Variants in AGFG1 observed in about 807,000 individuals in gnomAD.
AGFG1 encodes the protein ArfGAP with FG repeats 1, also known as arf-GAP domain and FG repeat-containing protein 1.
AGFG1 carries 10 observed loss-of-function variants against 60.6 expected under a neutral mutation model. The ratio of observed to expected loss-of-function variants is 0.16; its 90% CI spans 0.10 to 0.28. The LOEUF (loss-of-function observed/expected upper bound fraction) is 0.28, where lower values mean the gene tolerates loss of function less well. Among genes scored for constraint, AGFG1 ranks in the 10% least tolerant of loss-of-function variants. The pLI is 1.00. For missense variants in AGFG1, 537 were observed against 676.5 expected, an observed-to-expected ratio of 0.79 and a Z score of 2.29; for synonymous variants, 247 against 242.9, an observed-to-expected ratio of 1.02 and a Z score of -0.16.
At position 227,544,290 on chromosome 2, in the gene AGFG1, G is replaced by C. The variant is rs572034904; in HGVS notation, c.1378+7297G>C. Among the ~76,000 whole-genome samples, 92 of 151,714 alleles carry C rather than the reference G, an allele frequency of 6.1e-4. No individual in the cohort carries two copies. In the South Asian group the frequency reaches 0.019, roughly 31 times the overall value. On this transcript the variant is annotated intron_variant, in intron 10 of 12. Transcript: ENST00000310078. The stretch of plus-strand genomic sequence containing the variant: ...CTGCCTCAGCCTTCCCAGTAGCTTG[G>C]ACTACAGGCACCCACCACCACACCC...
chr2:227,547,704 G>A (rs1692694522), intron 10 of AGFG1, among the ~76,000 whole-genome samples: 1 of 152,204 alleles, frequency 6.6e-6, no homozygotes, highest in East Asian at 1.9e-4. Context: ...AACAATGTAA[G>A]GAGGTAGAGA....
At chr2:227,552,179 T>A (rs1692841320) in intron 11 of AGFG1, 62 bp downstream of exon 11, 1 of 1,584,460 alleles carries the variant, frequency 6.3e-7, no homozygotes, top group African/African-American at 1.4e-5. Flanking sequence ...TATCATAATG[T>A]TGTGTGCTTG....
At position 227,540,400 on chromosome 2, in the gene AGFG1, G is replaced by T. The variant is rs1454638361; in HGVS notation, c.1378+3407G>T. Among the ~76,000 whole-genome samples, 6 of 152,178 alleles carry T rather than the reference G, an allele frequency of 3.9e-5. No homozygotes were observed. In the South Asian group the frequency reaches 8.3e-4, roughly 21 times the overall value. ...GTGATGTTCCCCACCTTGTGTCCAA[G>T]TGTTCTCATTGTTCAGTTCCCACCT... On this transcript the variant is annotated intron_variant, in intron 10 of 12. Transcript: ENST00000310078.
intron 11 of AGFG1, among the ~76,000 whole-genome samples, chr2:227,552,393 C>T (rs950442603): frequency 7.2e-5 from 11 of 152,100 alleles, no homozygotes; most frequent in East Asian, 1.9e-4. Flanking sequence ...CTGATTATTT[C>T]GTCTTACATG....
intron 2 of AGFG1, among the ~76,000 whole-genome samples, chr2:227,501,905 C>T (rs772574598): frequency 3.3e-5 from 5 of 152,118 alleles, no homozygotes; most frequent in Admixed American, 6.5e-5. Context: ...GTTGTCCAGG[C>T]TGGAGTGCAG....
intron 1 of AGFG1, among the ~76,000 whole-genome samples, chr2:227,475,581 ATC>A (rs1690257901): frequency 1.3e-5 from 2 of 152,220 alleles, no homozygotes; most frequent in Non-Finnish European, 2.9e-5. Context: ...ATAATTATGT[ATC>A]TGATGTTTAG....
chr2:227,492,907 A>G (rs1690861309), intron 2 of AGFG1, among the ~76,000 whole-genome samples: 1 of 152,164 alleles, frequency 6.6e-6, no homozygotes, highest in Non-Finnish European at 1.5e-5. Context: ...AAGTAGGATT[A>G]ACTTAACATT....
intron 6 of AGFG1, among the ~76,000 whole-genome samples, chr2:227,531,785 A>T (rs1384433517): frequency 2.0e-5 from 3 of 152,104 alleles, no homozygotes; most frequent in Non-Finnish European, 4.4e-5. Context: ...GGCTGACATT[A>T]TACCTCTTAA....
intron 5 of AGFG1, among the ~76,000 whole-genome samples, chr2:227,528,451 C>T (rs1311543618): frequency 6.6e-6 from 1 of 152,120 alleles, no homozygotes; most frequent in Non-Finnish European, 1.5e-5. Context: ...CGATTTCCCC[C>T]CTGACCAGAT....
intron 3 of AGFG1, among the ~76,000 whole-genome samples, chr2:227,522,965 A>G (rs1228426636): frequency 6.6e-6 from 1 of 152,150 alleles, no homozygotes; most frequent in Non-Finnish European, 1.5e-5. Context: ...TGAGTATTGT[A>G]TTATCGTAAA....
chr2:227,506,212 C>T (rs554480757), intron 2 of AGFG1, among the ~76,000 whole-genome samples: 1 of 152,288 alleles, frequency 6.6e-6, no homozygotes, highest in African/African-American at 2.4e-5. Context: ...TTTGTTCCTT[C>T]ATAAACTATT....
At chr2:227,511,408 G>A (rs1037480583) in intron 2 of AGFG1, among the ~76,000 whole-genome samples, 1 of 152,094 alleles carries the variant, frequency 6.6e-6, no homozygotes, top group African/African-American at 2.4e-5. Context: ...GGTCTTTGTT[G>A]CAGTTAATGC....
chr2:227,491,664 G>A, intron 2 of AGFG1, 24 bp downstream of exon 2: 1 of 1,076,034 alleles, frequency 9.3e-7, no homozygotes, highest in Non-Finnish European at 1.3e-6. Context: ...TTTTTTTTTT[G>A]CAATTTTTGA....
chr2:227,533,794 G>T, intron 7 of AGFG1, 36 bp downstream of exon 7: 3 of 1,541,298 alleles, frequency 1.9e-6, no homozygotes, highest in Non-Finnish European at 2.7e-6. Context: ...ACAAATTTGT[G>T]TTAAACAGTG....
intron 10 of AGFG1, among the ~76,000 whole-genome samples, chr2:227,550,544 T>C (rs1467820475): frequency 2.0e-5 from 3 of 152,240 alleles, no homozygotes; most frequent in African/African-American, 7.2e-5. Flanking sequence ...TCGTCTGTTA[T>C]GAAGCCCTCC....
Position 227,558,600 on chromosome 2 carries a change from T to C in AGFG1, c.*4105T>C, listed in dbSNP as rs1693046468. 6.6e-6 allele frequency: 1 copy of C among 152,168 alleles called. No individual in the cohort carries two copies. The highest frequency in any genetic ancestry group is 6.5e-5 in the Admixed American group (1 of 15,278). The allele number at this position is 152,168 out of a possible 1,614,324, so 9.4% of individuals were successfully genotyped here. A position where few individuals can be genotyped will look rare whatever the true frequency, so the allele number is the denominator to read the frequency against. On this transcript the variant is annotated 3_prime_UTR_variant, in exon 13 of 13. Transcript: ENST00000310078. ...TTTAACCTGTTGTATTCATCCTCAT[T>C]AGTTAAGTTTTTCTTTTTATGTTTT...
In AGFG1 at chr2:227,556,897, G is replaced by T. The variant is rs916514437; in HGVS notation, c.*2402G>T. The T allele has an allele frequency of 6.6e-6, 1 of 152,090 alleles. No individual in the cohort carries two copies. Among genetic ancestry groups the T allele is most frequent in the African/African-American group, 2.4e-5 (1 of 41,394 alleles). The allele number at this position is 152,090 out of a possible 1,614,324, so 9.4% of individuals were successfully genotyped here. The stretch of plus-strand genomic sequence containing the variant: ...TGCAGTGCGCTACGATCACACCACT[G>T]CACACCAGCCTGGGGATAGAGTGAG... On this transcript the variant is annotated 3_prime_UTR_variant, in exon 13 of 13. Coordinates refer to ENST00000310078, the MANE Select transcript of AGFG1 (RefSeq NM_004504.5).
chr2:227,497,173 C>G (rs569233518), intron 2 of AGFG1, among the ~76,000 whole-genome samples: 12 of 151,046 alleles, frequency 7.9e-5, no homozygotes, highest in African/African-American at 2.9e-4. Context: ...CTTCCCCCCC[C>G]ACCCCACACA....
chr2:227,517,694 C>T (rs538758943), intron 2 of AGFG1, among the ~76,000 whole-genome samples: 101 of 152,344 alleles, frequency 6.6e-4, no homozygotes, highest in South Asian at 2.5e-3. Context: ...TTGAGAAGTA[C>T]GCTTTTCCTT....
Sources: allele counts gnomAD v4.1 joint callset (sites outside exome capture counted in the v4.1 genomes callset), GRCh38; gene constraint gnomAD v4.1.1; transcripts MANE v1.5; gene names NCBI Gene and HGNC (gene_info 2026-07-23, HGNC 2026-07-21).